The following TRAF3 variants were observed in gnomAD, a reference collection of about 807,000 sequenced individuals.
TRAF3 encodes the protein TNF receptor-associated factor 3.
TRAF3 carries 13 observed loss-of-function variants against 62.3 expected under a neutral mutation model. The observed-to-expected ratio is 0.21, with a 90% CI of 0.14 to 0.33. The LOEUF (loss-of-function observed/expected upper bound fraction) is 0.33. TRAF3 is among the 10% of genes least tolerant of loss of function. The pLI, the probability that TRAF3 is intolerant of heterozygous loss-of-function variation, is 1.00. For synonymous variants in TRAF3, 269 were observed against 283.4 expected (o/e 0.95, Z 0.51); for missense variants, 440 against 741.8 (o/e 0.59, Z 4.73).
At chr14:102,849,043 C>T (rs1029538666) in intron 2 of TRAF3, among the ~76,000 whole-genome samples, 1 of 152,192 alleles carries the variant, frequency 6.6e-6, no homozygotes, top group Admixed American at 6.5e-5. Context: ...CTCAAGCAGT[C>T]CTCCCACCTC....
chr14:102,796,272 C>T (rs924336297), intron 1 of TRAF3, among the ~76,000 whole-genome samples: 5 of 152,232 alleles, frequency 3.3e-5, no homozygotes, highest in Admixed American at 6.5e-5. Flanking sequence ...TGGCGGAACA[C>T]GTGGAGGTTT....
intron 1 of TRAF3, among the ~76,000 whole-genome samples, chr14:102,806,212 C>T (rs149436080): frequency 1.3e-5 from 2 of 152,198 alleles, no homozygotes; most frequent in South Asian, 2.1e-4. Context: ...GTTGAGAAAC[C>T]GTGGCTTGGA....
Position 102,911,025 on chromosome 14 carries a change from T to C in TRAF3, c.*5241T>C, listed in dbSNP as rs1380038575. On this transcript the variant is annotated 3_prime_UTR_variant, in exon 12 of 12. Transcript: ENST00000392745. ...GCACAGCATCTGCAGATTCGCAGCC[T>C]CTTCTCTGCCGGTGCCTCTGTTCGG... 1 of 152,256 alleles carries C rather than the reference T, an allele frequency of 6.6e-6. No individual in the cohort carries two copies. Among genetic ancestry groups the C allele is most frequent in the Non-Finnish European group, 1.5e-5 (1 of 68,048 alleles). 9.4% of individuals were successfully genotyped at this position (152,256 alleles called of 1,614,324 possible).
At position 102,891,430 on chromosome 14, in the gene TRAF3, CT is replaced by C; in HGVS notation, c.819+16del. ...GCTCGAAAAGAAGGTGGGCTGCACA[CT>C]TTCCTGCTGCTATGGGATTTGTATC... is the stretch of plus-strand genomic sequence containing the variant. On this transcript the variant is annotated intron_variant, in intron 9 of 11. Transcript: ENST00000392745. 1 of 1,605,240 alleles carries C rather than the reference CT, an allele frequency of 6.2e-7. No homozygotes were observed. Among genetic ancestry groups the C allele is most frequent in the Non-Finnish European group, 8.5e-7 (1 of 1,176,196 alleles).
intron 1 of TRAF3, among the ~76,000 whole-genome samples, chr14:102,793,485 C>T (rs1220539941): frequency 6.6e-6 from 1 of 152,192 alleles, no homozygotes; most frequent in Non-Finnish European, 1.5e-5. Context: ...CATCATGTTT[C>T]TTCAGAATTT....
intron 1 of TRAF3, among the ~76,000 whole-genome samples, chr14:102,813,457 TC>T (rs140927582): frequency 0.012 from 1,737 of 149,176 alleles, 27 homozygotes; most frequent in African/African-American, 0.025. Context: ...TCTTTTCTTT[TC>T]TTTTTTTTTT....
intron 1 of TRAF3, among the ~76,000 whole-genome samples, chr14:102,779,888 A>G (rs1196196524): frequency 6.6e-6 from 1 of 152,242 alleles, no homozygotes; most frequent in Non-Finnish European, 1.5e-5. Context: ...TTTCCTTGCA[A>G]TGGTCAGTTT....
chr14:102,857,340 CTCTCTCCGG>C (rs1307451828), intron 2 of TRAF3, among the ~76,000 whole-genome samples: 2 of 152,218 alleles, frequency 1.3e-5, no homozygotes, highest in Non-Finnish European at 2.9e-5. Flanking sequence ...AATTTATTTT[CTCTCTCCGG>C]TCTCCCATTT....
intron 4 of TRAF3, among the ~76,000 whole-genome samples, chr14:102,874,397 C>T (rs1019098107): frequency 1.3e-5 from 2 of 152,178 alleles, no homozygotes; most frequent in African/African-American, 4.8e-5. Flanking sequence ...GCTGGGACTA[C>T]AGGCATGTGC....
intron 1 of TRAF3, among the ~76,000 whole-genome samples, chr14:102,829,296 C>G (rs1900517353): frequency 6.6e-6 from 1 of 152,194 alleles, no homozygotes; most frequent in South Asian, 2.1e-4. Flanking sequence ...AGCTGAGGGC[C>G]TGCATTCGTG....
At chr14:102,796,509 AC>A (rs1477320542) in intron 1 of TRAF3, among the ~76,000 whole-genome samples, 1 of 152,202 alleles carries the variant, frequency 6.6e-6, no homozygotes, top group Non-Finnish European at 1.5e-5. Flanking sequence ...AGAGGCCTGG[AC>A]TTGCGACTAG....
chr14:102,822,020 T>A (rs1003307447), intron 1 of TRAF3, among the ~76,000 whole-genome samples: 23 of 152,196 alleles, frequency 1.5e-4, no homozygotes, highest in African/African-American at 5.6e-4. Flanking sequence ...CCAGCCTGGA[T>A]GACAGAGTGA....
In TRAF3 at chr14:102,850,688, TA is replaced by T. The variant is rs35096461; in HGVS notation, c.-17-19473del. Among the ~76,000 whole-genome samples the T allele has an allele frequency of 8.7e-3, 760 of 87,470 alleles. 8 individuals carry two copies. Among genetic ancestry groups the T allele is most frequent in the East Asian group, 0.045 (135 of 3,014 alleles). The allele number at this position is 87,470 out of a possible 152,430, so 57.4% of individuals were successfully genotyped here. ...CTGGGCGATAGAGTGAGACTCCGTC[TA>T]AAAAAAAAAAAAAAAAAAAAAAAGT... On this transcript the variant is annotated intron_variant, in intron 2 of 11. Transcript: ENST00000392745.
At chr14:102,852,056 T>A (rs996293965) in intron 2 of TRAF3, among the ~76,000 whole-genome samples, 6 of 151,492 alleles carry the variant, frequency 4.0e-5, no homozygotes, top group Non-Finnish European at 7.4e-5. Context: ...AGAAAGAAAA[T>A]AAAAGAAATA....
chr14:102,786,107 G>T (rs1897489153), intron 1 of TRAF3, among the ~76,000 whole-genome samples: 2 of 152,272 alleles, frequency 1.3e-5, no homozygotes, highest in African/African-American at 4.8e-5. Flanking sequence ...ATGTATGGAA[G>T]GAATTAGACC....
intron 2 of TRAF3, among the ~76,000 whole-genome samples, chr14:102,864,084 G>A (rs190305167): frequency 3.3e-5 from 5 of 151,812 alleles, no homozygotes; most frequent in African/African-American, 9.7e-5. Flanking sequence ...TCTGATTGCT[G>A]CAAGTTTTTA....
chr14:102,895,278 G>GT, intron 9 of TRAF3: 1 of 310,040 alleles, frequency 3.2e-6, no homozygotes, highest in Admixed American at 4.5e-5. Context: ...TCCTAGGAAA[G>GT]TGAAGTTATA....
chr14:102,899,303 G>T (rs566743348), intron 10 of TRAF3, among the ~76,000 whole-genome samples: 5 of 152,200 alleles, frequency 3.3e-5, no homozygotes, highest in Non-Finnish European at 7.4e-5. Context: ...GGTGCTGGCT[G>T]TGTGGGAGCT....
In TRAF3 at chr14:102,895,212, TAGG is replaced by T. The variant is rs1213043330; in HGVS notation, c.820-2046_820-2044del. On this transcript the variant is annotated intron_variant, in intron 9 of 11. Coordinates refer to ENST00000392745, the MANE Select transcript of TRAF3 (RefSeq NM_145725.3). ...CACATTCGTGCAGGTTGATCACTTG[TAGG>T]AGTTCATGGACGTATGAGGCAAGGA... The T allele has an allele frequency of 4.2e-5, 18 of 433,298 alleles. No homozygotes were observed. In the Admixed American group the frequency reaches 4.2e-4, roughly 10 times the overall value. The allele number at this position is 433,298 out of a possible 1,614,324, so 26.8% of individuals were successfully genotyped here.
Sources: allele counts gnomAD v4.1 joint callset (sites outside exome capture counted in the v4.1 genomes callset), GRCh38; gene constraint gnomAD v4.1.1; transcripts MANE v1.5; gene names NCBI Gene and HGNC (gene_info 2026-07-23, HGNC 2026-07-21).